Variants in AKNA observed in about 807,000 individuals in gnomAD.
AKNA encodes the protein microtubule organization protein AKNA.
A neutral mutation model predicts 138.8 loss-of-function variants in AKNA; 67 were observed. The observed-to-expected ratio is 0.48, with a 90% CI of 0.40 to 0.59. AKNA has a LOEUF of 0.59. Among genes scored for constraint, AKNA ranks in the 20% least tolerant of loss-of-function variants. The pLI is 0.00. For missense variants in AKNA, 1,813 were observed against 1,880.4 expected, an observed-to-expected ratio of 0.96 and a Z score of 0.66; for synonymous variants, 737 against 754.4, an observed-to-expected ratio of 0.98 and a Z score of 0.38.
In AKNA at chr9:114,381,160, G is replaced by T; in HGVS notation, c.174C>A (p.Asp58Glu). 1 of 1,614,160 alleles carries T rather than the reference G, an allele frequency of 6.2e-7. No homozygotes were observed. Among genetic ancestry groups the T allele is most frequent in the African/African-American group, 1.3e-5 (1 of 75,052 alleles). ...PNATSPELLEDFRLAQQHLPP... is the reference protein window; with the variant it reads ...PNATSPELLEEFRLAQQHLPP... ...GCAGGTGCTGCTGGGCCAGGCGGAA[G>T]TCCTCTAGGAGCTCGGGGCTGGTGG... The change falls in exon 2 of 22, where the codon GAC (aspartate) becomes GAA (glutamate). Residue 58 changes from aspartate to glutamate, a missense_variant. Coordinates refer to ENST00000374088, the MANE Select transcript of AKNA (RefSeq NM_001317950.2).
In AKNA at chr9:114,381,425, C is replaced by G; in HGVS notation, c.-92G>C. ...CAGAGTCACCGCTGGTTCCTGTCAG[C>G]ATCGGCCATCCTGCCTGTGCCCTGT... On this transcript the variant is annotated 5_prime_UTR_variant, in exon 2 of 22. An upstream start codon of the reference 5' UTR is lost. Coordinates refer to ENST00000374088, the MANE Select transcript of AKNA (RefSeq NM_001317950.2). 1 of 1,440,536 alleles carries G rather than the reference C, an allele frequency of 6.9e-7. No individual in the cohort carries two copies. The allele number at this position is 1,440,536 out of a possible 1,614,324, so 89.2% of individuals were successfully genotyped here.
At chr9:114,333,925 C>A (rs868471497), downstream of AKNA, among the ~76,000 whole-genome samples, 4 of 147,364 alleles carry the variant, frequency 2.7e-5, no homozygotes, top group South Asian at 8.5e-4. Context: ...GATTGTATCA[C>A]GGGGCTGGTT....
rs777851658 is a variant in AKNA at position 114,360,122 on chromosome 9, CACTT to C, written c.2125-64_2125-61del. On this transcript the variant is annotated intron_variant, in intron 9 of 21. Transcript: ENST00000374088. ...CAGATAGTTAAACACCACTTTTAAG[CACTT>C]ACCTCCTGCCAGGCTCGAGCTGTGG... 1.4e-5 allele frequency: 23 copies of C among 1,606,856 alleles called. No homozygotes were observed. In the African/African-American group the frequency reaches 2.9e-4, roughly 21 times the overall value.
chr9:114,337,240 G>C lies in AKNA; in HGVS notation c.4134C>G (p.Pro1378=). Residue 1378 remains proline, a synonymous_variant, in exon 22 of 22, where the codon CCC becomes CCG. Transcript: ENST00000374088. Reference sequence around the variant, plus strand: ...AGTGCCGGTGTCTCCGGGCTGGTGGGGGAGAGGCTGTGGGCGGCCACTTGG... The same window carrying C: ...AGTGCCGGTGTCTCCGGGCTGGTGGCGGAGAGGCTGTGGGCGGCCACTTGG... The part of the protein sequence containing the change: ...PAAKWPPTAS[P]PPARRHRHSI... The C allele has an allele frequency of 6.4e-7, 1 of 1,570,706 alleles. No homozygotes were observed. Among genetic ancestry groups the C allele is most frequent in the Non-Finnish European group, 8.7e-7 (1 of 1,150,262 alleles).
intron 6 of AKNA, among the ~76,000 whole-genome samples, chr9:114,365,579 T>G (rs1832284864): frequency 6.6e-6 from 1 of 152,034 alleles, no homozygotes; most frequent in Non-Finnish European, 1.5e-5. Flanking sequence ...TTACATAATT[T>G]TATAATATAT....
intron 3 of AKNA, among the ~76,000 whole-genome samples, chr9:114,375,396 G>A (rs1301952024): frequency 6.6e-6 from 1 of 152,110 alleles, no homozygotes; most frequent in East Asian, 1.9e-4. Flanking sequence ...CAAAGGGAGA[G>A]GACAGACTTG....
chr9:114,374,405 G>A (rs1015702796), intron 3 of AKNA, among the ~76,000 whole-genome samples: 13 of 152,184 alleles, frequency 8.5e-5, no homozygotes, highest in Non-Finnish European at 1.5e-4. Flanking sequence ...CCATGACAAC[G>A]GGTCTAGACT....
intron 1 of AKNA, 124 bp from the exon 2 acceptor site, chr9:114,381,570 G>A (rs889476080): frequency 4.2e-5 from 42 of 1,004,020 alleles, no homozygotes; most frequent in Admixed American, 8.6e-5. Flanking sequence ...GTGTCCTCCC[G>A]AAGCTGTGTC....
chr9:114,346,592 G>T, intron 17 of AKNA, 77 bp downstream of exon 17: 1 of 1,136,776 alleles, frequency 8.8e-7, no homozygotes, highest in Non-Finnish European at 1.3e-6. Context: ...GAATACTGTT[G>T]CTGTGGTCCC....
chr9:114,359,191 C>T (rs1831732002), intron 11 of AKNA: 2 of 191,142 alleles, frequency 1.0e-5, no homozygotes, highest in African/African-American at 4.8e-5. Flanking sequence ...GCTTCAGCCT[C>T]CCAAATAGCT....
chr9:114,348,251 A>C (rs1830837926), intron 15 of AKNA, among the ~76,000 whole-genome samples: 2 of 152,136 alleles, frequency 1.3e-5, no homozygotes, highest in African/African-American at 4.8e-5. Flanking sequence ...TCTGCCATAA[A>C]ATACCAACCT....
At chr9:114,355,020 G>A (rs1045722457) in intron 14 of AKNA, among the ~76,000 whole-genome samples, 1 of 149,702 alleles carries the variant, frequency 6.7e-6, no homozygotes, top group Non-Finnish European at 1.5e-5. Flanking sequence ...GATTACAGTC[G>A]TAAGCCACCA....
downstream of AKNA, among the ~76,000 whole-genome samples, chr9:114,332,522 C>T (rs1447567560): frequency 1.3e-5 from 2 of 152,104 alleles, no homozygotes; most frequent in Non-Finnish European, 2.9e-5. Context: ...AAAATATATA[C>T]ATGCAGTACT....
chr9:114,346,121 C>T, intron 17 of AKNA, 112 bp from the exon 18 acceptor site: 1 of 1,059,232 alleles, frequency 9.4e-7, no homozygotes, highest in Non-Finnish European at 1.4e-6. Context: ...GGTTTTAATC[C>T]CCAGTCTCCC....
chr9:114,394,965 G>C (rs987484406), upstream of AKNA, among the ~76,000 whole-genome samples: 1 of 152,192 alleles, frequency 6.6e-6, no homozygotes, highest in African/African-American at 2.4e-5. Flanking sequence ...GGGGGGCTGG[G>C]GGGAGAATGC....
In AKNA at chr9:114,339,283, GGGGCA is replaced by G. The variant is rs1830187228; in HGVS notation, c.4068-1982_4068-1978del. Among the ~76,000 whole-genome samples, 8 of 152,260 alleles carry G rather than the reference GGGGCA, an allele frequency of 5.3e-5. No individual in the cohort carries two copies. In the South Asian group the frequency reaches 1.7e-3, roughly 32 times the overall value. On this transcript the variant is annotated intron_variant, in intron 21 of 21. Transcript: ENST00000374088. ...GGGCTATGGGACGGCTGCCCAGCAG[GGGGCA>G]GCACAGGCCCACTCCGCTTTCCAAA...
chr9:114,376,390 T>A, intron 3 of AKNA, 76 bp downstream of exon 3: 2 of 1,287,208 alleles, frequency 1.6e-6, no homozygotes, highest in Non-Finnish European at 2.1e-6. Flanking sequence ...ACTCCAGGCC[T>A]CCCCACCCCA....
At chr9:114,381,664 T>TTG (rs1385488257) in intron 1 of AKNA, among the ~76,000 whole-genome samples, 3 of 135,912 alleles carry the variant, frequency 2.2e-5, no homozygotes, top group African/African-American at 8.2e-5. Flanking sequence ...GGTTTTTTTT[T>TTG]TTTTTTTTTT....
rs1834136520 is a variant in AKNA, at chr9:114,387,670, A to T, written c.-114+190T>A. Among the ~76,000 whole-genome samples the T allele has an allele frequency of 2.6e-5, 4 of 152,148 alleles. No homozygotes were observed. The South Asian group carries it at 8.3e-4, about 32-fold the overall frequency. Reference sequence around the variant, plus strand: ...AATCTAGCATCCTGAGGCTTGACGAAATCCTCCTTAAATCCACCCTTGCCC... The same window carrying T: ...AATCTAGCATCCTGAGGCTTGACGATATCCTCCTTAAATCCACCCTTGCCC... On this transcript the variant is annotated intron_variant, in intron 1 of 21. Transcript: ENST00000374088.
Sources: allele counts gnomAD v4.1 joint callset (sites outside exome capture counted in the v4.1 genomes callset), GRCh38; gene constraint gnomAD v4.1.1; transcripts MANE v1.5; gene names NCBI Gene and HGNC (gene_info 2026-07-23, HGNC 2026-07-21).